Variants in XYLT1 observed in about 807,000 individuals in gnomAD.
XYLT1 encodes beta-D-xylosyltransferase 1.
In XYLT1, 36 loss-of-function variants were observed where a neutral mutation model predicts 91.3. The observed-to-expected ratio is 0.39, with a 90% CI of 0.30 to 0.52. XYLT1 has a LOEUF of 0.52. XYLT1 is among the 20% of genes least tolerant of loss of function. The pLI is 0.68. For missense variants in XYLT1, 1,242 were observed against 1,284.5 expected (o/e 0.97, Z 0.51); for synonymous variants, 588 against 532.0 (o/e 1.11, Z -1.45).
chr16:17,117,922 C>T lies in XYLT1; in HGVS notation c.2281G>A (p.Gly761Arg). The stretch of plus-strand genomic sequence containing the variant: ...ATACCCACCGGCTCATCCATGGGCC[C>T]CAGAAGACCCCCAAAGTTGCGGAAT... ...RLFRNFGGLL[G>R]PMDEPVGMQK... The change falls in exon 11 of 12, where the codon GGG becomes AGG. Residue 761 changes from glycine (G) to arginine (R), a missense_variant. Physicochemically the swap from Gly to Arg is moderately radical, Grantham distance 125. Around this residue, in one of 3 missense-constraint regions of XYLT1, gnomAD observed 511 missense variants for 497.0 expected, o/e 1.03. Coordinates refer to ENST00000261381, the MANE Select transcript of XYLT1 (RefSeq NM_022166.4). The T allele has an allele frequency of 6.2e-7, 1 of 1,614,060 alleles. No homozygotes were observed. Among genetic ancestry groups the T allele is most frequent in the East Asian group, 2.2e-5 (1 of 44,870 alleles).
chr16:17,196,472 T>C (rs2032428344), intron 5 of XYLT1, among the ~76,000 whole-genome samples: 1 of 152,250 alleles, frequency 6.6e-6, no homozygotes, highest in South Asian at 2.1e-4. Flanking sequence ...TAACCCACTG[T>C]TGGGGGAAGA....
chr16:17,276,066 A>G (rs567653600), intron 2 of XYLT1, among the ~76,000 whole-genome samples: 1 of 152,318 alleles, frequency 6.6e-6, no homozygotes, highest in South Asian at 2.1e-4. Flanking sequence ...GGGGAGAGAG[A>G]GAAAGAAATA....
At chr16:17,412,885 T>C (rs1164347187) in intron 1 of XYLT1, among the ~76,000 whole-genome samples, 1 of 152,220 alleles carries the variant, frequency 6.6e-6, no homozygotes, top group Non-Finnish European at 1.5e-5. Context: ...AATGTGTAAC[T>C]GGTCAAATCC....
intron 2 of XYLT1, among the ~76,000 whole-genome samples, chr16:17,346,264 G>A (rs2035142629): frequency 6.6e-6 from 1 of 152,170 alleles, no homozygotes; most frequent in South Asian, 2.1e-4. Context: ...GGGCTGCTTG[G>A]GGTTACCAGG....
intron 10 of XYLT1, among the ~76,000 whole-genome samples, 168 bp downstream of exon 10, chr16:17,127,498 C>T (rs1333144277): frequency 6.6e-6 from 1 of 152,170 alleles, no homozygotes; most frequent in Non-Finnish European, 1.5e-5. Flanking sequence ...ATGCTGGTGC[C>T]AGTGACTGGG....
chr16:17,271,538 C>A (rs1450864999), intron 2 of XYLT1, among the ~76,000 whole-genome samples: 1 of 152,208 alleles, frequency 6.6e-6, no homozygotes, highest in Non-Finnish European at 1.5e-5. Flanking sequence ...CTTCTGCGTA[C>A]CTCTCAGGCA....
chr16:17,148,824 C>T (rs1042865080), intron 6 of XYLT1, among the ~76,000 whole-genome samples: 2 of 152,118 alleles, frequency 1.3e-5, no homozygotes, highest in African/African-American at 4.8e-5. Context: ...AAAGACAATG[C>T]CCAGAAATGA....
chr16:17,361,925 G>A (rs1297127128), intron 1 of XYLT1, among the ~76,000 whole-genome samples: 3 of 152,132 alleles, frequency 2.0e-5, no homozygotes, highest in African/African-American at 4.8e-5. Context: ...ACTTCTATGC[G>A]TGTATCATTT....
chr16:17,431,163 C>G (rs1452575327), intron 1 of XYLT1, among the ~76,000 whole-genome samples: 1 of 152,138 alleles, frequency 6.6e-6, no homozygotes, highest in East Asian at 1.9e-4. Context: ...ACAACACATA[C>G]ACGAGTGGGC....
In XYLT1 at chr16:17,375,443, T is replaced by A. The variant is rs58596101; in HGVS notation, c.364-17393A>T. Among the ~76,000 whole-genome samples the A allele has an allele frequency of 5.8e-4, 79 of 136,304 alleles. No homozygotes were observed. In the East Asian group the frequency reaches 8.8e-3, roughly 15 times the overall value. The allele number at this position is 136,304 out of a possible 152,430, so 89.4% of individuals were successfully genotyped here. A position where few individuals can be genotyped will look rare whatever the true frequency, so the allele number is the denominator to read the frequency against. The stretch of plus-strand genomic sequence containing the variant: ...CCCTGTCGCAATGCAAAAAAAAAAA[T>A]AAAATTTTAGCTGTTTCTTGTTCAA... On this transcript the variant is annotated intron_variant, in intron 1 of 11. Transcript: ENST00000261381.
chr16:17,272,589 T>C (rs928796404), intron 2 of XYLT1, among the ~76,000 whole-genome samples: 4 of 152,134 alleles, frequency 2.6e-5, no homozygotes, highest in African/African-American at 7.2e-5. Flanking sequence ...CATTTCAAAA[T>C]CTAGAGATTT....
intron 1 of XYLT1, among the ~76,000 whole-genome samples, chr16:17,433,797 G>C (rs946578062): frequency 1.3e-5 from 2 of 152,164 alleles, no homozygotes; most frequent in African/African-American, 4.8e-5. Context: ...CCAGAGGCCT[G>C]ATAATCTCCT....
At chr16:17,228,896 G>C (rs991790096) in intron 3 of XYLT1, among the ~76,000 whole-genome samples, 1 of 152,186 alleles carries the variant, frequency 6.6e-6, no homozygotes, top group Non-Finnish European at 1.5e-5. Flanking sequence ...GTGACTCAGA[G>C]AGATTAAGGC....
At chr16:17,399,292 G>C (rs1179495189) in intron 1 of XYLT1, among the ~76,000 whole-genome samples, 3 of 152,050 alleles carry the variant, frequency 2.0e-5, no homozygotes, top group Non-Finnish European at 4.4e-5. Flanking sequence ...CCCCACAAAG[G>C]GTAAAGACCT....
At chr16:17,192,245 C>A (rs138785636) in intron 5 of XYLT1, among the ~76,000 whole-genome samples, 5,910 of 151,970 alleles carry the variant, frequency 0.039, 187 homozygotes, top group Middle Eastern at 0.082. Context: ...ATTACAGGCG[C>A]CCGCCACCAC....
chr16:17,359,466 C>A (rs1025904449), intron 1 of XYLT1, among the ~76,000 whole-genome samples: 3 of 152,242 alleles, frequency 2.0e-5, no homozygotes, highest in East Asian at 1.9e-4. Flanking sequence ...GTAAGAGGCA[C>A]GATCTCAGAA....
At chr16:17,118,565 G>A (rs1411562282) in intron 10 of XYLT1, among the ~76,000 whole-genome samples, 1 of 152,074 alleles carries the variant, frequency 6.6e-6, no homozygotes, top group Non-Finnish European at 1.5e-5. Flanking sequence ...CCTAGATCTG[G>A]ACTGTAAGCA....
intron 1 of XYLT1, among the ~76,000 whole-genome samples, chr16:17,380,329 G>A (rs1193572097): frequency 1.3e-5 from 2 of 152,114 alleles, no homozygotes; most frequent in Admixed American, 1.3e-4. Flanking sequence ...AAAAAGAGGT[G>A]GTTGGAGCGA....
chr16:17,207,052 CTTTTTTT>C (rs1211378641), intron 3 of XYLT1, among the ~76,000 whole-genome samples: 33 of 121,072 alleles, frequency 2.7e-4, no homozygotes, highest in East Asian at 1.2e-3. Context: ...TCTTTTCTTT[CTTTTTTT>C]TTTTTTTTTT....
Sources: gnomAD v4.1 joint callset for allele counts (sites outside exome capture counted in the v4.1 genomes callset) on GRCh38, gnomAD v4.1.1 for gene constraint, gnomAD v4.1.1 regional missense constraint, MANE v1.5 for transcripts, NCBI Gene and HGNC (gene_info 2026-07-23, HGNC 2026-07-21) for gene names.